The following ADGB variants were observed in gnomAD, a reference collection of about 807,000 sequenced individuals.
ADGB encodes androglobin.
ADGB carries 172 observed loss-of-function variants against 210.5 expected under a neutral mutation model. That is an observed-to-expected ratio of 0.82 (90% CI 0.72 to 0.93). The LOEUF (loss-of-function observed/expected upper bound fraction) is 0.93. Ranked by LOEUF, ADGB falls within the 40% of genes least tolerant of loss-of-function variation. The pLI is 0.00. For synonymous variants in ADGB, 658 were observed against 662.7 expected, an observed-to-expected ratio of 0.99 and a Z score of 0.11; for missense variants, 2,025 against 1,964.8, an observed-to-expected ratio of 1.03 and a Z score of -0.58.
intron 35 of ADGB, among the ~76,000 whole-genome samples, chr6:146,813,707 G>C (rs1778337087): frequency 6.6e-6 from 1 of 152,120 alleles, no homozygotes; most frequent in South Asian, 2.1e-4. Flanking sequence ...TTACCATGTG[G>C]GAAATCGATT....
At chr6:146,641,618 G>A (rs1775516712) in intron 2 of ADGB, among the ~76,000 whole-genome samples, 1 of 151,974 alleles carries the variant, frequency 6.6e-6, no homozygotes, top group African/African-American at 2.4e-5. Context: ...ACGGCCATCT[G>A]ATCTTTGACA....
At position 146,784,760 on chromosome 6, in the gene ADGB, C is replaced by A. The variant is rs891322878; in HGVS notation, c.4178C>A (p.Ala1393Asp). 1.9e-6 allele frequency: 3 copies of A among 1,550,136 alleles called. No individual in the cohort carries two copies. Among genetic ancestry groups the A allele is most frequent in the African/African-American group, 1.4e-5 (1 of 72,922 alleles). Residue 1393 changes from alanine to aspartate, a missense_variant, in exon 31 of 36, where the codon GCC becomes GAC. By Grantham distance (126) the Ala-to-Asp change is moderately radical. Transcript: ENST00000397944. ...RADEIRAMKQAWETTEPGRAI... is the reference protein window; with the variant it reads ...RADEIRAMKQDWETTEPGRAI... ...GATGAAATCCGAGCCATGAAACAAG[C>A]CTGGGAGACAACTGAGCCAGGAAGA...
chr6:146,763,912 A>G lies in ADGB; in HGVS notation c.3562A>G (p.Ile1188Val), dbSNP rs978582047. 5.2e-6 allele frequency: 8 copies of G among 1,550,662 alleles called. No homozygotes were observed. Among genetic ancestry groups the G allele is most frequent in the Non-Finnish European group, 7.0e-6 (8 of 1,146,584 alleles). The change falls in exon 28 of 36, where the codon ATT becomes GTT. Residue 1188 changes from isoleucine (I) to valine (V), a missense_variant. By Grantham distance (29) the Ile-to-Val change is conservative (BLOSUM62 3). Transcript: ENST00000397944. ...TTTCTCCTATTCAGCTAGCAAGCACATTCTTTCATTTCACTCTGCATCCAA... is the reference window on the plus strand; with the variant it reads ...TTTCTCCTATTCAGCTAGCAAGCACGTTCTTTCATTTCACTCTGCATCCAA... Reference protein sequence around the residue: ...KGLSSQSSKHILSFHSASKKE... With the variant: ...KGLSSQSSKHVLSFHSASKKE...
At chr6:146,769,709 T>C (rs1777625523) in intron 29 of ADGB, among the ~76,000 whole-genome samples, 1 of 152,206 alleles carries the variant, frequency 6.6e-6, no homozygotes, top group Non-Finnish European at 1.5e-5. Flanking sequence ...GTGTATTTTC[T>C]ATTTATGTTC....
Position 146,769,088 on chromosome 6 carries a change from ATT to A in ADGB, c.3821_3822del (p.Phe1274CysfsTer11). ...SWPLTESQLT[F>X]VQALKDLKKS... ...GGCCTCTCACTGAAAGCCAGCTGACATTTGTTCAAGCACTGAAAGACTTAAAG... is the reference window on the plus strand; with the variant it reads ...GGCCTCTCACTGAAAGCCAGCTGACATGTTCAAGCACTGAAAGACTTAAAG... On this transcript the variant is annotated frameshift_variant, in exon 29 of 36. Transcript: ENST00000397944. LOFTEE classifies it high-confidence loss of function. 1 of 1,530,336 alleles carries A rather than the reference ATT, an allele frequency of 6.5e-7. No individual in the cohort carries two copies. Among genetic ancestry groups the A allele is most frequent in the Non-Finnish European group, 8.8e-7 (1 of 1,132,144 alleles). 94.8% of individuals were successfully genotyped at this position (1,530,336 alleles called of 1,614,324 possible). A position where few individuals can be genotyped will look rare whatever the true frequency, so the allele number is the denominator to read the frequency against.
intron 35 of ADGB, chr6:146,803,190 C>T (rs2114667286): frequency 6.7e-7 from 1 of 1,501,342 alleles, no homozygotes. Flanking sequence ...ACTTCTCCTT[C>T]TCCAGAAACT....
At chr6:146,812,869 G>T (rs114855717) in intron 35 of ADGB, among the ~76,000 whole-genome samples, 2,185 of 152,190 alleles carry the variant, frequency 0.014, 63 homozygotes, top group African/African-American at 0.05. Context: ...CTATGGGGTC[G>T]GACAAATGTG....
At chr6:146,617,736 C>A (rs543902830) in intron 1 of ADGB, among the ~76,000 whole-genome samples, 1 of 151,882 alleles carries the variant, frequency 6.6e-6, no homozygotes, top group South Asian at 2.1e-4. Context: ...TGATGCTATG[C>A]GTCTCTTATT....
At chr6:146,635,890 G>A (rs1409161306) in intron 2 of ADGB, among the ~76,000 whole-genome samples, 1 of 152,034 alleles carries the variant, frequency 6.6e-6, no homozygotes, top group East Asian at 1.9e-4. Context: ...ATCCACAGTG[G>A]ACTTGGAAGC....
intron 1 of ADGB, among the ~76,000 whole-genome samples, chr6:146,616,266 G>T (rs1348856904): frequency 1.2e-5 from 1 of 84,758 alleles, no homozygotes; most frequent in African/African-American, 4.3e-5. Context: ...TGTATTATTT[G>T]GGTTTTTTTT....
intron 34 of ADGB, 109 bp downstream of exon 34, chr6:146,801,388 G>A (rs1778129638): frequency 1.6e-6 from 1 of 642,906 alleles, no homozygotes; most frequent in Admixed American, 4.2e-5. Flanking sequence ...CCTGATTAAG[G>A]TGAGATGAGC....
intron 13 of ADGB, among the ~76,000 whole-genome samples, chr6:146,713,842 G>A (rs180946034): frequency 8.2e-4 from 125 of 152,082 alleles, no homozygotes; most frequent in African/African-American, 2.8e-3. Context: ...GTGTCATGAA[G>A]CTTCTCTCTA....
At chr6:146,784,300 G>A (rs1223492136) in intron 30 of ADGB, among the ~76,000 whole-genome samples, 1 of 151,950 alleles carries the variant, frequency 6.6e-6, no homozygotes, top group Non-Finnish European at 1.5e-5. Context: ...TTTTGTGTTC[G>A]ACTTCTTTAT....
In ADGB at chr6:146,812,720, G is replaced by A. The variant is rs1583652391; in HGVS notation, c.4819-2312G>A. Among the ~76,000 whole-genome samples, 2 of 152,160 alleles carry A rather than the reference G, an allele frequency of 1.3e-5. 1 individual carries two copies. Among genetic ancestry groups the A allele is most frequent in the South Asian group, 4.1e-4 (2 of 4,830 alleles). ...TGAAATCTAACAGACTTTAGTTTTAGGTGCTAGATTTGGATTGCAGATCTA... is the reference window on the plus strand; with the variant it reads ...TGAAATCTAACAGACTTTAGTTTTAAGTGCTAGATTTGGATTGCAGATCTA... On this transcript the variant is annotated intron_variant, in intron 35 of 35. Transcript: ENST00000397944.
chr6:146,759,647 C>T (rs1254372339), intron 27 of ADGB, among the ~76,000 whole-genome samples: 1 of 151,572 alleles, frequency 6.6e-6, no homozygotes, highest in Non-Finnish European at 1.5e-5. Flanking sequence ...TGTGTACATG[C>T]ATATATATGA....
chr6:146,605,108 T>C (rs1343041626), intron 1 of ADGB, among the ~76,000 whole-genome samples: 5 of 152,158 alleles, frequency 3.3e-5, no homozygotes, highest in Admixed American at 3.3e-4. Flanking sequence ...TCAAACTATA[T>C]GTAGTGGGGA....
rs9497598 is a variant in ADGB, at chr6:146,664,065, A to G, written c.613-136A>G. 4 of 804,114 alleles carry G rather than the reference A, an allele frequency of 5.0e-6. No homozygotes were observed. The African/African-American group carries it at 5.3e-5, about 11-fold the overall frequency. 49.8% of individuals were successfully genotyped at this position (804,114 alleles called of 1,614,324 possible). A position where few individuals can be genotyped will look rare whatever the true frequency, so the allele number is the denominator to read the frequency against. ...AACCAGAGTAGTATTGAAATCCAGT[A>G]TCTCCGTCTTTCAGTGTAAGATGCT... On this transcript the variant is annotated intron_variant, in intron 5 of 35. Transcript: ENST00000397944.
At chr6:146,684,944 T>TTAGAAAAGAG (rs1776202633) in intron 9 of ADGB, among the ~76,000 whole-genome samples, 2 of 152,094 alleles carry the variant, frequency 1.3e-5, no homozygotes, top group Non-Finnish European at 2.9e-5. Context: ...ATATCTCCAT[T>TTAGAAAAGAG]CTAGACATAT....
intron 35 of ADGB, chr6:146,803,414 T>G (rs537187892): frequency 7.5e-6 from 12 of 1,608,484 alleles, no homozygotes; most frequent in African/African-American, 5.3e-5. Flanking sequence ...TTTCTTTATT[T>G]GCCATGTCAC....
Sources: gnomAD v4.1 joint callset for allele counts (sites outside exome capture counted in the v4.1 genomes callset) on GRCh38, gnomAD v4.1.1 for gene constraint, MANE v1.5 for transcripts, NCBI Gene and HGNC (gene_info 2026-07-23, HGNC 2026-07-21) for gene names.